The following C2orf76 variants were observed in gnomAD, a reference collection of about 807,000 sequenced individuals.
C2orf76 encodes the protein chromosome 2 open reading frame 76, also known as UPF0538 protein C2orf76.
A neutral mutation model predicts 16.9 loss-of-function variants in C2orf76; 23 were observed. The observed-to-expected ratio is 1.36, with a 90% confidence interval of 0.98 to 1.93. C2orf76 has a LOEUF of 1.93. C2orf76 is among the 30% of genes most tolerant of loss of function. The pLI is 0.00. For synonymous variants in C2orf76, 48 were observed against 52.3 expected (o/e 0.92, Z 0.35); for missense variants, 152 against 152.6 (o/e 1.00, Z 0.02).
chr2:119,329,049 G>A (rs1339780549), intron 2 of C2orf76, among the ~76,000 whole-genome samples: 3 of 152,180 alleles, frequency 2.0e-5, no homozygotes, highest in Non-Finnish European at 4.4e-5. Context: ...AAGGAAATGT[G>A]TAAATTCCAC....
Position 119,337,925 on chromosome 2 carries a change from A to G in C2orf76, c.133+1902T>C, listed in dbSNP as rs1209450558. Among the ~76,000 whole-genome samples, 3 of 152,234 alleles carry G rather than the reference A, an allele frequency of 2.0e-5. No homozygotes were observed. The East Asian group carries it at 5.8e-4, about 29-fold the overall frequency. ...CCCCTGCCATTGCAGCAGCTTGAAAATACATCTTATTCTCAAGGACTTCAA... is the reference window on the plus strand; with the variant it reads ...CCCCTGCCATTGCAGCAGCTTGAAAGTACATCTTATTCTCAAGGACTTCAA... On this transcript the variant is annotated intron_variant, in intron 2 of 5. Coordinates refer to ENST00000334816, the MANE Select transcript of C2orf76 (RefSeq NM_001322331.2).
In C2orf76 at chr2:119,308,423, C is replaced by T. The variant is rs182286094; in HGVS notation, c.304+3199G>A. On this transcript the variant is annotated intron_variant, in intron 5 of 5. Coordinates refer to ENST00000334816, the MANE Select transcript of C2orf76 (RefSeq NM_001322331.2). ...TGGGAGGCCAAGGCAGGTGGAAAAC[C>T]GAGGTCAGGAGTTCGAGACCAGCCT... 1.8e-3 allele frequency among the ~76,000 whole-genome samples: 270 copies of T among 152,246 alleles called. 1 individual carries two copies. The highest frequency in any genetic ancestry group is 5.8e-3 in the African/African-American group (241 of 41,544).
intron 5 of C2orf76, among the ~76,000 whole-genome samples, chr2:119,305,087 T>C (rs1015563051): frequency 7.2e-5 from 11 of 152,206 alleles, no homozygotes; most frequent in Non-Finnish European, 1.2e-4. Context: ...CATGGGAATC[T>C]GAAATGAATG....
At chr2:119,303,052 AAT>A (rs1678666443) in intron 5 of C2orf76, among the ~76,000 whole-genome samples, 1 of 152,214 alleles carries the variant, frequency 6.6e-6, no homozygotes, top group Non-Finnish European at 1.5e-5. Context: ...GACCCATCAA[AAT>A]ATGTGTCTGA....
At chr2:119,357,073 A>C (rs1431701991) in intron 1 of C2orf76, among the ~76,000 whole-genome samples, 1 of 152,148 alleles carries the variant, frequency 6.6e-6, no homozygotes, top group Non-Finnish European at 1.5e-5. Flanking sequence ...GAAGGAAGGA[A>C]GGAGAAAAGA....
At chr2:119,300,892 T>C (rs190464906), downstream of C2orf76, among the ~76,000 whole-genome samples, 73 of 152,324 alleles carry the variant, frequency 4.8e-4, no homozygotes, top group African/African-American at 1.7e-3. Context: ...CATCATTAAG[T>C]TGCACCATCT....
At position 119,343,516 on chromosome 2, in the gene C2orf76, T is replaced by A. The variant is rs553260583; in HGVS notation, c.-12-3545A>T. Among the ~76,000 whole-genome samples the A allele has an allele frequency of 1.2e-3, 173 of 145,108 alleles. 1 individual carries two copies. The highest frequency in any genetic ancestry group is 4.0e-3 in the African/African-American group (156 of 38,544). On this transcript the variant is annotated intron_variant, in intron 1 of 5. Coordinates refer to ENST00000334816, the MANE Select transcript of C2orf76 (RefSeq NM_001322331.2). ...CACACACACACACACACACACACAC[T>A]GGGAAGCGCTGGAATGCAGCCCAGT...
chr2:119,288,344 G>A, the C2orf76 span, among the ~76,000 whole-genome samples: 3 of 151,794 alleles, frequency 2.0e-5, no homozygotes, highest in African/African-American at 4.8e-5. Flanking sequence ...TTTTAGTAGA[G>A]ACGGGGTTTC....
chr2:119,325,457 CA>C (rs59581840), intron 2 of C2orf76, among the ~76,000 whole-genome samples: 1,350 of 59,720 alleles, frequency 0.023, 15 homozygotes, highest in African/African-American at 0.069. Flanking sequence ...AAGACTGTCT[CA>C]AAAAAAAAAA....
At chr2:119,360,477 C>CAAA (rs770401400) in intron 1 of C2orf76, among the ~76,000 whole-genome samples, 101 of 66,482 alleles carry the variant, frequency 1.5e-3, no homozygotes, top group Middle Eastern at 9.8e-3. Flanking sequence ...AACTCTGTCT[C>CAAA]AAAAAAAAAA....
chr2:119,282,554 A>G, the C2orf76 span, among the ~76,000 whole-genome samples: 1 of 152,216 alleles, frequency 6.6e-6, no homozygotes, highest in Non-Finnish European at 1.5e-5. Context: ...GAGATTTGGC[A>G]TCTTGGTGCC....
At chr2:119,319,347 A>G (rs961347144) in intron 3 of C2orf76, among the ~76,000 whole-genome samples, 3 of 152,172 alleles carry the variant, frequency 2.0e-5, no homozygotes, top group Non-Finnish European at 4.4e-5. Context: ...GAAAGGAGAA[A>G]TGACAAACCA....
chr2:119,359,444 T>C (rs949705997), intron 1 of C2orf76, among the ~76,000 whole-genome samples: 3 of 152,222 alleles, frequency 2.0e-5, no homozygotes, highest in Non-Finnish European at 4.4e-5. Flanking sequence ...CTACCGTAGA[T>C]AGTGATTCCT....
chr2:119,296,757 G>C, the C2orf76 span, among the ~76,000 whole-genome samples: 1 of 152,194 alleles, frequency 6.6e-6, no homozygotes, highest in African/African-American at 2.4e-5. Context: ...CCCAACTCGT[G>C]GGACCAGGGC....
the C2orf76 span, among the ~76,000 whole-genome samples, chr2:119,296,801 C>T: frequency 6.6e-6 from 1 of 152,188 alleles, no homozygotes; most frequent in Non-Finnish European, 1.5e-5. Flanking sequence ...AAGTTCTCTT[C>T]AAAGGAGAAT....
chr2:119,343,510 ACACACT>A (rs1477761913), intron 1 of C2orf76, among the ~76,000 whole-genome samples: 51 of 137,626 alleles, frequency 3.7e-4, no homozygotes, highest in African/African-American at 1.2e-3. Flanking sequence ...ACACACACAC[ACACACT>A]GGGAAGCGCT....
chr2:119,293,059 A>G, the C2orf76 span, among the ~76,000 whole-genome samples: 2 of 152,200 alleles, frequency 1.3e-5, no homozygotes, highest in African/African-American at 4.8e-5. Flanking sequence ...CAAAACAAAC[A>G]AACGAACAAA....
At chr2:119,334,588 G>T (rs1679783378) in intron 2 of C2orf76, among the ~76,000 whole-genome samples, 1 of 151,480 alleles carries the variant, frequency 6.6e-6, no homozygotes, top group Admixed American at 6.6e-5. Flanking sequence ...TACTCAGGAG[G>T]CTATGGTGGG....
At chr2:119,283,464 T>TTTTCTG in the C2orf76 span, among the ~76,000 whole-genome samples, 2 of 152,046 alleles carry the variant, frequency 1.3e-5, no homozygotes, top group Non-Finnish European at 2.9e-5. Context: ...TTCTTTTGGT[T>TTTTCTG]TTTTTGTTTT....
Sources: gnomAD v4.1 joint callset for allele counts (sites outside exome capture counted in the v4.1 genomes callset) on GRCh38, gnomAD v4.1.1 for gene constraint, MANE v1.5 for transcripts, NCBI Gene and HGNC (gene_info 2026-07-23, HGNC 2026-07-21) for gene names.